Variants in CCNY observed in about 807,000 individuals in gnomAD.
The protein encoded by CCNY is cyclin-Y.
Under a neutral mutation model 42.8 loss-of-function variants are expected in CCNY, and 19 were observed. That is an observed-to-expected ratio of 0.44 (90% CI 0.31 to 0.65). The LOEUF (loss-of-function observed/expected upper bound fraction) is 0.65. CCNY is among the 30% of genes least tolerant of loss of function. The pLI, the probability that CCNY is intolerant of heterozygous loss-of-function variation, is 0.07. For synonymous variants in CCNY, 165 were observed against 162.7 expected (o/e 1.01, Z -0.11); for missense variants, 370 against 437.3 (o/e 0.85, Z 1.37).
In CCNY at chr10:35,418,555, G is replaced by A. The variant is rs571013129; in HGVS notation, c.155-64849G>A. 6.9e-4 allele frequency among the ~76,000 whole-genome samples: 105 copies of A among 152,310 alleles called. 1 individual carries two copies. Among genetic ancestry groups the A allele is most frequent in the African/African-American group, 2.4e-3 (100 of 41,558 alleles). ...CCTCTCCTGTGCATTCAGGTGGTGTGGTCGTGGTGCCCCATAACAATGATA... is the reference window on the plus strand; with the variant it reads ...CCTCTCCTGTGCATTCAGGTGGTGTAGTCGTGGTGCCCCATAACAATGATA... On this transcript the variant is annotated intron_variant, in intron 1 of 9. Coordinates refer to ENST00000374704, the MANE Select transcript of CCNY (RefSeq NM_145012.6).
intron 3 of CCNY, among the ~76,000 whole-genome samples, chr10:35,266,249 CTTTTTTT>C (rs773886027): frequency 1.6e-4 from 18 of 110,126 alleles, no homozygotes; most frequent in Admixed American, 4.2e-4. Flanking sequence ...GGCTAATTTC[CTTTTTTT>C]TTTTTTTTTT....
intron 1 of CCNY, among the ~76,000 whole-genome samples, chr10:35,388,889 T>A (rs1307664861): frequency 1.3e-5 from 2 of 152,050 alleles, no homozygotes; most frequent in East Asian, 3.9e-4. Flanking sequence ...CATGGCCCCC[T>A]CCTGTTTCCA....
intron 7 of CCNY, among the ~76,000 whole-genome samples, chr10:35,538,506 C>T (rs1349964556): frequency 3.3e-5 from 5 of 152,154 alleles, no homozygotes; most frequent in Non-Finnish European, 5.9e-5. Context: ...TCATGTTAGC[C>T]ATTCTAGTGG....
intron 3 of CCNY, among the ~76,000 whole-genome samples, chr10:35,503,092 AC>A (rs961100427): frequency 6.0e-5 from 9 of 149,022 alleles, no homozygotes; most frequent in African/African-American, 2.0e-4. Flanking sequence ...TGCACGCCCC[AC>A]CCCCCCAACA....
At chr10:35,505,738 T>G (rs1460697096) in intron 3 of CCNY, among the ~76,000 whole-genome samples, 1 of 152,222 alleles carries the variant, frequency 6.6e-6, no homozygotes, top group Non-Finnish European at 1.5e-5. Flanking sequence ...GGAATTTAGG[T>G]AAAATTGATT....
At chr10:35,372,250 G>A (rs1178052844) in intron 1 of CCNY, among the ~76,000 whole-genome samples, 1 of 152,214 alleles carries the variant, frequency 6.6e-6, no homozygotes, top group South Asian at 2.1e-4. Context: ...GGACAGCAAG[G>A]AGGAGTGGCT....
chr10:35,372,036 C>T (rs1836948372), intron 1 of CCNY, among the ~76,000 whole-genome samples: 1 of 152,194 alleles, frequency 6.6e-6, no homozygotes, highest in African/African-American at 2.4e-5. Flanking sequence ...CTGTGTGAGA[C>T]TGGGGTGTGA....
At chr10:35,349,999 A>G (rs1480118576) in intron 1 of CCNY, among the ~76,000 whole-genome samples, 1 of 152,188 alleles carries the variant, frequency 6.6e-6, no homozygotes, top group Non-Finnish European at 1.5e-5. Flanking sequence ...GCACAGCTCC[A>G]GGGCTGCCAT....
intron 1 of CCNY, among the ~76,000 whole-genome samples, chr10:35,377,121 A>T (rs1483722128): frequency 6.6e-6 from 1 of 152,176 alleles, no homozygotes; most frequent in South Asian, 2.1e-4. Flanking sequence ...CCTATCGCTG[A>T]GTGTTGCCGT....
At chr10:35,446,187 C>T (rs1167208229) in intron 1 of CCNY, among the ~76,000 whole-genome samples, 1 of 152,108 alleles carries the variant, frequency 6.6e-6, no homozygotes, top group Non-Finnish European at 1.5e-5. Flanking sequence ...TGCTGATCAA[C>T]AGAAAAGGTG....
At chr10:35,484,028 G>A (rs1428318401) in intron 2 of CCNY, among the ~76,000 whole-genome samples, 1 of 152,070 alleles carries the variant, frequency 6.6e-6, no homozygotes, top group Non-Finnish European at 1.5e-5. Context: ...GGTGTGTGTG[G>A]GATTTCTTCT....
At chr10:35,247,586 T>TC (rs1296873262) in intron 1 of CCNY, among the ~76,000 whole-genome samples, 1 of 123,596 alleles carries the variant, frequency 8.1e-6, no homozygotes, top group African/African-American at 3.1e-5. Context: ...ACCTTGTCTC[T>TC]AGATAAAGAA....
chr10:35,564,310 C>T (rs943922335), intron 8 of CCNY, among the ~76,000 whole-genome samples: 5 of 152,150 alleles, frequency 3.3e-5, no homozygotes, highest in South Asian at 2.1e-4. Flanking sequence ...GGGCCTTCCT[C>T]GGGCCTCCTT....
chr10:35,552,910 A>C (rs1280454324), intron 7 of CCNY, 109 bp from the exon 8 acceptor site: 5 of 1,117,264 alleles, frequency 4.5e-6, no homozygotes, highest in Non-Finnish European at 6.5e-6. Flanking sequence ...ATTGGGTAAT[A>C]AATTCCCATT....
chr10:35,479,623 G>GGGGA (rs1839615566), intron 1 of CCNY, among the ~76,000 whole-genome samples: 1 of 137,002 alleles, frequency 7.3e-6, no homozygotes, highest in African/African-American at 2.7e-5. Flanking sequence ...GGGGGAGGGG[G>GGGGA]GGGAGGGATA....
intron 9 of CCNY, 64 bp downstream of exon 9, chr10:35,566,249 G>A (rs2135465871): frequency 6.7e-7 from 1 of 1,481,676 alleles, no homozygotes; most frequent in East Asian, 2.3e-5. Context: ...GAGTACCAGA[G>A]ATGCATGTGG....
At chr10:35,303,777 CAAAAAA>C (rs755443366) in intron 3 of CCNY, among the ~76,000 whole-genome samples, 2 of 48,524 alleles carry the variant, frequency 4.1e-5, no homozygotes, top group Non-Finnish European at 8.6e-5. Context: ...AACTCCGTCT[CAAAAAA>C]AAAAAAAAAA....
At chr10:35,460,793 C>T (rs1345610615) in intron 1 of CCNY, among the ~76,000 whole-genome samples, 2 of 152,200 alleles carry the variant, frequency 1.3e-5, no homozygotes, top group African/African-American at 2.4e-5. Context: ...TTATTTCCTC[C>T]TTTCATTAGC....
At chr10:35,354,025 C>A (rs912355316) in intron 1 of CCNY, among the ~76,000 whole-genome samples, 1 of 152,072 alleles carries the variant, frequency 6.6e-6, no homozygotes, top group African/African-American at 2.4e-5. Context: ...ACTTACGTGG[C>A]CAATGCAGGC....
Sources: gnomAD v4.1 joint callset for allele counts (sites outside exome capture counted in the v4.1 genomes callset) on GRCh38, gnomAD v4.1.1 for gene constraint, MANE v1.5 for transcripts, NCBI Gene and HGNC (gene_info 2026-07-23, HGNC 2026-07-21) for gene names.